CHST9: variants seen among roughly 807,000 people sequenced by gnomAD.
CHST9 encodes carbohydrate sulfotransferase 9, also known as GalNAc-4-sulfotransferase 2.
Under a neutral mutation model 44.4 loss-of-function variants are expected in CHST9, and 41 were observed. The ratio of observed to expected loss-of-function variants is 0.92; its 90% CI spans 0.72 to 1.20. The LOEUF (loss-of-function observed/expected upper bound fraction) is 1.20, where lower values mean the gene tolerates loss of function less well. Among genes scored for constraint, CHST9 ranks in the 50% most tolerant of loss-of-function variants. The probability of loss-of-function intolerance (pLI) is 0.00; values close to 1 mark genes in which losing one functional copy is unlikely to be tolerated. For missense variants in CHST9, 504 were observed against 516.5 expected (o/e 0.98, Z 0.23); for synonymous variants, 171 against 178.4 (o/e 0.96, Z 0.33).
Position 27,040,737 on chromosome 18 carries a change from T to A in CHST9, c.160+7728A>T, listed in dbSNP as rs745400118. ...TACATTCACTTTAGAAGGTTTTAAG[T>A]TGCACAGTATACAAGTATATCATTT... On this transcript the variant is annotated intron_variant, in intron 3 of 5. Transcript: ENST00000618847. Among the ~76,000 whole-genome samples the A allele has an allele frequency of 2.6e-5, 4 of 152,184 alleles. 1 individual carries two copies. In the South Asian group the frequency reaches 8.3e-4, roughly 31 times the overall value.
intron 2 of CHST9, among the ~76,000 whole-genome samples, chr18:27,121,801 T>C (rs1166400482): frequency 5.9e-5 from 9 of 152,166 alleles, no homozygotes; most frequent in South Asian, 2.1e-4. Context: ...CTCTGGACTT[T>C]CCAGGGGCGA....
intron 4 of CHST9, among the ~76,000 whole-genome samples, chr18:26,995,240 G>A (rs1168562781): frequency 4.1e-5 from 6 of 147,492 alleles, no homozygotes; most frequent in Admixed American, 2.7e-4. Context: ...TGGCTAACAC[G>A]GTGAAACCCC....
intron 1 of CHST9, among the ~76,000 whole-genome samples, chr18:27,169,460 G>A (rs2339328): frequency 0.79 from 120,796 of 152,096 alleles, 48,194 homozygotes; most frequent in East Asian, 0.92. Context: ...TTTTTTAAAT[G>A]TACTTCTTTC....
intron 1 of CHST9, among the ~76,000 whole-genome samples, chr18:27,165,974 C>T (rs1243102412): frequency 6.6e-6 from 1 of 152,148 alleles, no homozygotes; most frequent in Non-Finnish European, 1.5e-5. Context: ...TTCCTGACCC[C>T]TTTGTGGCAT....
intron 4 of CHST9, among the ~76,000 whole-genome samples, chr18:26,947,097 C>T (rs1263165954): frequency 1.3e-5 from 2 of 152,062 alleles, no homozygotes; most frequent in Non-Finnish European, 2.9e-5. Flanking sequence ...TAAATCTATA[C>T]ATTACTTTGG....
At chr18:27,174,869 T>C (rs1010544540) in intron 1 of CHST9, among the ~76,000 whole-genome samples, 1 of 152,014 alleles carries the variant, frequency 6.6e-6, no homozygotes, top group African/African-American at 2.4e-5. Context: ...TCTGGCTATG[T>C]CCTTCTGATG....
At chr18:27,099,462 A>T (rs2058149338) in intron 2 of CHST9, among the ~76,000 whole-genome samples, 1 of 152,182 alleles carries the variant, frequency 6.6e-6, no homozygotes, top group South Asian at 2.1e-4. Flanking sequence ...TAATATACAG[A>T]ATTGATAAGG....
At chr18:27,081,018 G>A (rs142289594) in intron 2 of CHST9, among the ~76,000 whole-genome samples, 138 of 152,276 alleles carry the variant, frequency 9.1e-4, no homozygotes, top group African/African-American at 3.3e-3. Flanking sequence ...CATAGGGATG[G>A]CTTAAAGGAA....
At chr18:27,007,855 A>G (rs2057035237) in intron 4 of CHST9, among the ~76,000 whole-genome samples, 1 of 152,028 alleles carries the variant, frequency 6.6e-6, no homozygotes, top group South Asian at 2.1e-4. Context: ...GGTATAGATA[A>G]CTCTTCTGAA....
At chr18:27,137,774 C>T (rs759200452) in intron 2 of CHST9, among the ~76,000 whole-genome samples, 2 of 152,126 alleles carry the variant, frequency 1.3e-5, no homozygotes, top group African/African-American at 2.4e-5. Flanking sequence ...AGCTGTCTTA[C>T]GGCACATACG....
intron 2 of CHST9, among the ~76,000 whole-genome samples, chr18:27,064,993 G>A (rs2057765403): frequency 1.3e-5 from 2 of 152,174 alleles, no homozygotes; most frequent in Non-Finnish European, 2.9e-5. Context: ...GGTCTGTAAT[G>A]TATAAACTTG....
intron 2 of CHST9, among the ~76,000 whole-genome samples, chr18:27,121,576 G>C (rs995532507): frequency 2.0e-4 from 30 of 152,166 alleles, no homozygotes; most frequent in Admixed American, 1.4e-3. Flanking sequence ...TGGGGAAACA[G>C]GGAAGAAAGG....
chr18:27,162,877 G>A (rs2058759159), intron 1 of CHST9, among the ~76,000 whole-genome samples: 1 of 152,208 alleles, frequency 6.6e-6, no homozygotes, highest in Non-Finnish European at 1.5e-5. Flanking sequence ...CTTTGGAGGA[G>A]GAGAGGCGCT....
At chr18:26,939,796 C>T (rs143447620) in intron 5 of CHST9, among the ~76,000 whole-genome samples, 2 of 152,152 alleles carry the variant, frequency 1.3e-5, no homozygotes, top group African/African-American at 4.8e-5. Context: ...TGCATCTGCC[C>T]CCATCAAGGA....
At chr18:27,130,256 T>C (rs1055358672) in intron 2 of CHST9, among the ~76,000 whole-genome samples, 3 of 152,204 alleles carry the variant, frequency 2.0e-5, no homozygotes, top group Admixed American at 1.3e-4. Flanking sequence ...ATGAATTATT[T>C]AGTGAGTGAG....
intron 3 of CHST9, among the ~76,000 whole-genome samples, chr18:27,027,589 T>C (rs2143478259): frequency 6.6e-6 from 1 of 152,352 alleles, no homozygotes; most frequent in East Asian, 1.9e-4. Context: ...CAATAACAGC[T>C]AACATGGATT....
At chr18:27,088,842 G>T (rs2058038683) in intron 2 of CHST9, among the ~76,000 whole-genome samples, 1 of 152,118 alleles carries the variant, frequency 6.6e-6, no homozygotes, top group South Asian at 2.1e-4. Flanking sequence ...TGCCAGACAG[G>T]GTTTCACATA....
chr18:26,960,124 G>A (rs1363873781), intron 4 of CHST9, among the ~76,000 whole-genome samples: 1 of 152,104 alleles, frequency 6.6e-6, no homozygotes, highest in Non-Finnish European at 1.5e-5. Context: ...CATTTATTTG[G>A]TTTAAAATAC....
At chr18:27,134,129 A>G (rs554369049) in intron 2 of CHST9, among the ~76,000 whole-genome samples, 18 of 152,328 alleles carry the variant, frequency 1.2e-4, no homozygotes, top group South Asian at 1.0e-3. Flanking sequence ...CAACATCGCA[A>G]TCAGGATGAA....
Sources: gnomAD v4.1 joint callset for allele counts (sites outside exome capture counted in the v4.1 genomes callset) on GRCh38, gnomAD v4.1.1 for gene constraint, MANE v1.5 for transcripts, NCBI Gene and HGNC (gene_info 2026-07-23, HGNC 2026-07-21) for gene names.